The following PVT1 variants were observed in gnomAD, a reference collection of about 807,000 sequenced individuals.
PVT1 encodes CXCR4/PVT1 fusion.
chr8:128,001,614 C>T (rs1026263397), intron 4 of PVT1, among the ~76,000 whole-genome samples: 4 of 152,278 alleles, frequency 2.6e-5, no homozygotes, highest in Middle Eastern at 3.4e-3. Flanking sequence ...GCCTATGGAA[C>T]GAAAACAGTC....
chr8:127,865,332 C>G (rs769287823), intron 2 of PVT1, among the ~76,000 whole-genome samples: 1 of 152,138 alleles, frequency 6.6e-6, no homozygotes, highest in African/African-American at 2.4e-5. Context: ...CAGAATTATG[C>G]TTCCCCCAAA....
chr8:128,056,100 C>A (rs1043975193), intron 4 of PVT1, among the ~76,000 whole-genome samples: 1 of 152,186 alleles, frequency 6.6e-6, no homozygotes, highest in African/African-American at 2.4e-5. Flanking sequence ...ATGTAGTGAC[C>A]TCTGAACAGA....
intron 4 of PVT1, among the ~76,000 whole-genome samples, chr8:128,008,144 G>T (rs1213396502): frequency 6.6e-6 from 1 of 152,202 alleles, no homozygotes; most frequent in African/African-American, 2.4e-5. Context: ...AGTGGTGCTT[G>T]ATTTATCTAA....
At chr8:127,811,726 C>T (rs1207767022) in intron 2 of PVT1, among the ~76,000 whole-genome samples, 1 of 152,142 alleles carries the variant, frequency 6.6e-6, no homozygotes, top group African/African-American at 2.4e-5. Flanking sequence ...GTCCCCTCAA[C>T]ATATGTTTTT....
chr8:127,887,928 C>CTTTT (rs1328761205), intron 2 of PVT1, among the ~76,000 whole-genome samples: 29 of 56,918 alleles, frequency 5.1e-4, no homozygotes, highest in East Asian at 1.3e-3. Flanking sequence ...CTCACTCTAT[C>CTTTT]TTGTTTTTTT....
chr8:127,873,014 A>G (rs1328036357), intron 2 of PVT1, among the ~76,000 whole-genome samples: 1 of 152,074 alleles, frequency 6.6e-6, no homozygotes, highest in Non-Finnish European at 1.5e-5. Flanking sequence ...TGAGCCCCGC[A>G]TGGTTCCTCC....
At chr8:127,842,934 A>T (rs1814989032) in intron 2 of PVT1, among the ~76,000 whole-genome samples, 1 of 152,198 alleles carries the variant, frequency 6.6e-6, no homozygotes, top group Admixed American at 6.5e-5. Context: ...GCATAGGGCT[A>T]GAAGGCCAGG....
At chr8:127,998,724 C>CTCCT (rs562863695) in intron 4 of PVT1, among the ~76,000 whole-genome samples, 4 of 129,180 alleles carry the variant, frequency 3.1e-5, no homozygotes, top group Non-Finnish European at 4.8e-5. Flanking sequence ...TCCTTCCTTT[C>CTCCT]TCCTTCCTTC....
intron 3 of PVT1, among the ~76,000 whole-genome samples, chr8:127,961,833 C>G (rs1017361067): frequency 2.0e-5 from 3 of 152,136 alleles, no homozygotes; most frequent in African/African-American, 7.2e-5. Flanking sequence ...GCTCCAGAGG[C>G]CCCCCCTGCC....
intron 4 of PVT1, among the ~76,000 whole-genome samples, chr8:128,038,441 C>A (rs1171751812): frequency 6.6e-6 from 1 of 152,092 alleles, no homozygotes; most frequent in Non-Finnish European, 1.5e-5. Flanking sequence ...GGGTCTGTAG[C>A]CAAGTGAGGG....
At chr8:127,831,135 ATC>A (rs543893501) in intron 2 of PVT1, among the ~76,000 whole-genome samples, 109 of 113,028 alleles carry the variant, frequency 9.6e-4, no homozygotes, top group African/African-American at 3.9e-3. Flanking sequence ...CTATATCTAT[ATC>A]TATCTCTCTC....
At chr8:127,892,407 T>C (rs879872203) in intron 3 of PVT1, among the ~76,000 whole-genome samples, 2 of 152,188 alleles carry the variant, frequency 1.3e-5, no homozygotes, top group Non-Finnish European at 2.9e-5. Context: ...CTTGATCAAA[T>C]ATGGTGACTC....
chr8:127,805,599 T>A (rs1481634584), intron 2 of PVT1, among the ~76,000 whole-genome samples: 1 of 152,130 alleles, frequency 6.6e-6, no homozygotes, highest in African/African-American at 2.4e-5. Flanking sequence ...CTGTATTGGA[T>A]TTTTCTTCAC....
chr8:128,006,556 G>T (rs1353537183), intron 4 of PVT1, among the ~76,000 whole-genome samples: 2 of 152,070 alleles, frequency 1.3e-5, no homozygotes, highest in Middle Eastern at 3.4e-3. Flanking sequence ...TAAGTATCTT[G>T]TTTCTCATCA....
Position 127,988,878 on chromosome 8 carries a change from A to G in PVT1, n.783-284A>G, listed in dbSNP as rs1816999627. 2.6e-5 allele frequency among the ~76,000 whole-genome samples: 4 copies of G among 152,358 alleles called. No individual in the cohort carries two copies. In the South Asian group the frequency reaches 8.3e-4, roughly 32 times the overall value. ...ATTAATGGGTGGGGGCTTATGAGTCAGAAAGACCCAACCATCACTTCTGCC... is the reference window on the plus strand; with the variant it reads ...ATTAATGGGTGGGGGCTTATGAGTCGGAAAGACCCAACCATCACTTCTGCC... On this transcript the variant is annotated intron_variant and non_coding_transcript_variant, in intron 3 of 10. Transcript: ENST00000651587.
At chr8:128,028,107 C>T (rs376216168) in intron 4 of PVT1, among the ~76,000 whole-genome samples, 24 of 152,358 alleles carry the variant, frequency 1.6e-4, no homozygotes, top group Middle Eastern at 6.8e-3. Context: ...TCAGCCACCT[C>T]GGTTTCAGGC....
chr8:127,994,491 T>C (rs1291188767), intron 4 of PVT1, among the ~76,000 whole-genome samples: 2 of 152,190 alleles, frequency 1.3e-5, no homozygotes, highest in African/African-American at 4.8e-5. Context: ...TGTCCTTCTT[T>C]AAAGCCTTCA....
intron 4 of PVT1, among the ~76,000 whole-genome samples, chr8:128,022,501 C>T (rs552850361): frequency 2.0e-5 from 3 of 152,322 alleles, no homozygotes; most frequent in South Asian, 2.1e-4. Flanking sequence ...CATTTCCCTG[C>T]GCTCACAAAG....
At chr8:127,987,670 G>A (rs895113787) in intron 3 of PVT1, among the ~76,000 whole-genome samples, 40 of 152,212 alleles carry the variant, frequency 2.6e-4, no homozygotes, top group African/African-American at 9.2e-4. Flanking sequence ...TTGAGTACTT[G>A]TTCAGGGTCC....
Sources: allele counts gnomAD v4.1 joint callset (sites outside exome capture counted in the v4.1 genomes callset), GRCh38; gene constraint gnomAD v4.1.1; transcripts MANE v1.5; gene names NCBI Gene and HGNC (gene_info 2026-07-23, HGNC 2026-07-21).